The following KIF6 variants were observed in gnomAD, a reference collection of about 807,000 sequenced individuals.
KIF6 encodes kinesin family member 6.
Under a neutral mutation model 112.7 loss-of-function variants are expected in KIF6, and 106 were observed. The ratio of observed to expected loss-of-function variants is 0.94; its 90% CI spans 0.80 to 1.11. KIF6 has a LOEUF of 1.11. KIF6 is among the 50% of genes least tolerant of loss of function. The pLI, the probability that KIF6 is intolerant of heterozygous loss-of-function variation, is 0.00. For synonymous variants in KIF6, 339 were observed against 339.9 expected (o/e 1.00, Z 0.03); for missense variants, 929 against 964.0 (o/e 0.96, Z 0.48).
At chr6:39,411,089 G>A (rs562266403) in intron 15 of KIF6, among the ~76,000 whole-genome samples, 2 of 152,296 alleles carry the variant, frequency 1.3e-5, no homozygotes, top group South Asian at 4.1e-4. Flanking sequence ...AAGCAGATAA[G>A]TAGCTCATTA....
At chr6:39,454,164 G>A (rs2150411528) in intron 13 of KIF6, among the ~76,000 whole-genome samples, 1 of 152,216 alleles carries the variant, frequency 6.6e-6, no homozygotes, top group Non-Finnish European at 1.5e-5. Flanking sequence ...TGTTGCAATA[G>A]TGGAAACCTA....
chr6:39,561,382 C>T (rs1309363936), intron 10 of KIF6, among the ~76,000 whole-genome samples: 2 of 151,210 alleles, frequency 1.3e-5, no homozygotes, highest in Non-Finnish European at 2.9e-5. Flanking sequence ...GATGGAGTCT[C>T]ACTCTCTCAC....
chr6:39,338,117 T>C (rs1763130461), intron 22 of KIF6, among the ~76,000 whole-genome samples: 1 of 152,214 alleles, frequency 6.6e-6, no homozygotes, highest in African/African-American at 2.4e-5. Context: ...GCTAATTTAG[T>C]AAGAGCAAGA....
Position 39,385,757 on chromosome 6 carries a change from A to G in KIF6, c.1811-85T>C, listed in dbSNP as rs1032960355. ...CTCAGAAGCATGTGGCAAGCTACAG[A>G]AAAAAAAAAAAAAAGGTAGAGTAAG... On this transcript the variant is annotated intron_variant, in intron 15 of 22. Transcript: ENST00000287152. The G allele has an allele frequency of 8.5e-5, 32 of 374,626 alleles. No individual in the cohort carries two copies. In the African/African-American group the frequency reaches 1.8e-3, roughly 21 times the overall value. The allele number at this position is 374,626 out of a possible 1,614,324, so 23.2% of individuals were successfully genotyped here.
chr6:39,429,778 G>T (rs992375585), intron 14 of KIF6, among the ~76,000 whole-genome samples: 1 of 151,990 alleles, frequency 6.6e-6, no homozygotes, highest in Non-Finnish European at 1.5e-5. Context: ...TGTGGTGGCG[G>T]GTGCCTGTAG....
chr6:39,395,601 A>G (rs528835593), intron 15 of KIF6, among the ~76,000 whole-genome samples: 2 of 152,300 alleles, frequency 1.3e-5, no homozygotes, highest in South Asian at 4.1e-4. Flanking sequence ...GTTGCCAGAA[A>G]TGTTGTGGGG....
At chr6:39,588,125 C>T (rs369929032) in intron 7 of KIF6, among the ~76,000 whole-genome samples, 8 of 152,122 alleles carry the variant, frequency 5.3e-5, no homozygotes, top group Non-Finnish European at 1.0e-4. Context: ...TGTAGTGCCC[C>T]GGGGCTCAGT....
At chr6:39,717,286 A>ACTC (rs1362906373) in intron 2 of KIF6, among the ~76,000 whole-genome samples, 1 of 150,884 alleles carries the variant, frequency 6.6e-6, no homozygotes, top group African/African-American at 2.5e-5. Flanking sequence ...TGCTTACTCT[A>ACTC]CTCATGCTTA....
chr6:39,444,517 C>A (rs1048951951), intron 13 of KIF6, among the ~76,000 whole-genome samples: 5 of 152,062 alleles, frequency 3.3e-5, no homozygotes, highest in Non-Finnish European at 7.4e-5. Context: ...TGAGAATCTA[C>A]GCTATTGACA....
chr6:39,569,983 G>C (rs1780553925), intron 10 of KIF6, among the ~76,000 whole-genome samples: 1 of 152,192 alleles, frequency 6.6e-6, no homozygotes, highest in African/African-American at 2.4e-5. Flanking sequence ...GGATAAACGA[G>C]CATTTAAGAC....
At chr6:39,709,860 A>G (rs534970730) in intron 3 of KIF6, among the ~76,000 whole-genome samples, 1 of 152,308 alleles carries the variant, frequency 6.6e-6, no homozygotes, top group African/African-American at 2.4e-5. Flanking sequence ...TATAGTGTCT[A>G]TTCAAAGGCC....
rs77178992 is a variant in KIF6 at position 39,575,676 on chromosome 6, C to T, written c.1181+2380G>A. On this transcript the variant is annotated intron_variant, in intron 10 of 22. Coordinates refer to ENST00000287152, the MANE Select transcript of KIF6 (RefSeq NM_145027.6). Reference sequence around the variant, plus strand: ...TCTCTGTCAGCTACCTGGGGCCCTTCCCTGTCTCTCCATTCTTAACACTGC... The same window carrying T: ...TCTCTGTCAGCTACCTGGGGCCCTTTCCTGTCTCTCCATTCTTAACACTGC... 9.6e-3 allele frequency among the ~76,000 whole-genome samples: 1,469 copies of T among 152,306 alleles called. 32 individuals are homozygous for T. Among genetic ancestry groups the T allele is most frequent in the African/African-American group, 0.033 (1,364 of 41,570 alleles).
intron 3 of KIF6, among the ~76,000 whole-genome samples, chr6:39,699,952 T>C (rs1788778630): frequency 6.6e-6 from 1 of 152,232 alleles, no homozygotes; most frequent in Admixed American, 6.5e-5. Flanking sequence ...ATGTCAATTA[T>C]TTTTGATACA....
Position 39,330,130 on chromosome 6 carries a change from C to T in KIF6, c.*6402G>A, listed in dbSNP as rs1007828728. 3.3e-5 allele frequency: 5 copies of T among 152,176 alleles called. No homozygotes were observed. The highest frequency in any genetic ancestry group is 7.3e-5 in the Non-Finnish European group (5 of 68,044). 9.4% of individuals were successfully genotyped at this position (152,176 alleles called of 1,614,324 possible). ...TAGTGCCATAAAAGAAATGCCACAC[C>T]AGCCAGCGGGAATGATCTCCTCATC... is the stretch of plus-strand genomic sequence containing the variant. On this transcript the variant is annotated 3_prime_UTR_variant, in exon 23 of 23. Coordinates refer to ENST00000287152, the MANE Select transcript of KIF6 (RefSeq NM_145027.6).
chr6:39,432,069 A>G (rs1012219104), intron 13 of KIF6, among the ~76,000 whole-genome samples: 3 of 152,142 alleles, frequency 2.0e-5, no homozygotes, highest in African/African-American at 7.2e-5. Flanking sequence ...CCCAGGCAGA[A>G]CAAACCCTCT....
At chr6:39,633,714 C>G (rs929200429) in intron 5 of KIF6, among the ~76,000 whole-genome samples, 1 of 152,186 alleles carries the variant, frequency 6.6e-6, no homozygotes, top group Admixed American at 6.5e-5. Flanking sequence ...CAATGCTGGT[C>G]AGATTGTCTC....
At chr6:39,550,044 A>T (rs1437632152) in intron 10 of KIF6, among the ~76,000 whole-genome samples, 1 of 152,156 alleles carries the variant, frequency 6.6e-6, no homozygotes, top group Non-Finnish European at 1.5e-5. Flanking sequence ...GCTCAAGAAC[A>T]TTCATCATCT....
At chr6:39,444,239 C>CT (rs975927737) in intron 13 of KIF6, among the ~76,000 whole-genome samples, 3 of 151,444 alleles carry the variant, frequency 2.0e-5, no homozygotes. Context: ...ACCCACCTTT[C>CT]TTTTTTTTTC....
intron 9 of KIF6, among the ~76,000 whole-genome samples, 170 bp from the exon 10 acceptor site, chr6:39,578,329 ATTTTTT>A (rs35778593): frequency 1.6e-5 from 2 of 125,196 alleles, no homozygotes; most frequent in South Asian, 2.6e-4. Flanking sequence ...ATAGTTCTAG[ATTTTTT>A]TTTTTTTTTT....
Sources: allele counts gnomAD v4.1 joint callset (sites outside exome capture counted in the v4.1 genomes callset), GRCh38; gene constraint gnomAD v4.1.1; transcripts MANE v1.5; gene names NCBI Gene and HGNC (gene_info 2026-07-23, HGNC 2026-07-21).